SDK1: variants seen among roughly 807,000 people sequenced by gnomAD.
SDK1 encodes protein sidekick-1.
Under a neutral mutation model 245.5 loss-of-function variants are expected in SDK1, and 157 were observed. The ratio of observed to expected loss-of-function variants is 0.64; its 90% CI spans 0.56 to 0.73. The LOEUF is 0.73. Ranked by LOEUF, SDK1 falls within the 30% of genes least tolerant of loss-of-function variation. The pLI is 0.00. For synonymous variants in SDK1, 1,647 were observed against 1,278.5 expected (o/e 1.29, Z -6.15); for missense variants, 3,583 against 3,002.3 (o/e 1.19, Z -4.52).
chr7:3,677,503 A>C (rs1783942113), intron 4 of SDK1, among the ~76,000 whole-genome samples: 1 of 152,162 alleles, frequency 6.6e-6, no homozygotes, highest in Non-Finnish European at 1.5e-5. Context: ...CCATTTATAA[A>C]AGCATCAGAT....
rs965874787 is a variant in SDK1, at chr7:4,151,274, C to A, written c.4625+1811C>A. ...TGCACAGCTCCAGCTCTCTGTGGCC[C>A]CAGAGGACCCACCCTGGCACAGTCA... is the stretch of plus-strand genomic sequence containing the variant. On this transcript the variant is annotated intron_variant, in intron 30 of 44. Coordinates refer to ENST00000404826, the MANE Select transcript of SDK1 (RefSeq NM_152744.4). Among the ~76,000 whole-genome samples, 8 of 152,114 alleles carry A rather than the reference C, an allele frequency of 5.3e-5. No individual in the cohort carries two copies. In the South Asian group the frequency reaches 1.7e-3, roughly 32 times the overall value.
chr7:3,394,591 A>G (rs974203745), intron 1 of SDK1, among the ~76,000 whole-genome samples: 5 of 150,982 alleles, frequency 3.3e-5, no homozygotes, highest in African/African-American at 7.4e-5. Flanking sequence ...ATTATTTTGA[A>G]TGTATAGATC....
chr7:4,123,483 G>A (rs934872570), intron 25 of SDK1, among the ~76,000 whole-genome samples: 1 of 152,180 alleles, frequency 6.6e-6, no homozygotes, highest in Admixed American at 6.5e-5. Flanking sequence ...TGCAGGCCCA[G>A]GGAGCAGGAG....
intron 4 of SDK1, among the ~76,000 whole-genome samples, chr7:3,715,468 G>T (rs929642162): frequency 2.0e-5 from 3 of 152,234 alleles, no homozygotes; most frequent in East Asian, 3.9e-4. Flanking sequence ...TACCGAACCA[G>T]ACACCCCTCA....
intron 14 of SDK1, among the ~76,000 whole-genome samples, chr7:3,994,129 C>G (rs187914530): frequency 5.9e-5 from 9 of 152,292 alleles, no homozygotes; most frequent in African/African-American, 2.2e-4. Flanking sequence ...ATCACACATG[C>G]TTTTCTAGGG....
intron 4 of SDK1, among the ~76,000 whole-genome samples, chr7:3,703,557 C>T (rs1784801955): frequency 6.6e-6 from 1 of 152,100 alleles, no homozygotes; most frequent in Non-Finnish European, 1.5e-5. Context: ...GTCAGCTACA[C>T]ATGTGATAAA....
chr7:4,172,459 C>T (rs1584362197), intron 32 of SDK1, among the ~76,000 whole-genome samples: 2 of 152,304 alleles, frequency 1.3e-5, no homozygotes, highest in African/African-American at 4.8e-5. Flanking sequence ...GCTTCCTCCA[C>T]GTTTGGGTTT....
intron 5 of SDK1, among the ~76,000 whole-genome samples, chr7:3,913,326 C>G (rs1380214570): frequency 6.8e-6 from 1 of 147,916 alleles, no homozygotes; most frequent in African/African-American, 2.5e-5. Context: ...TGGAGTCTCG[C>G]TCTGTCACCC....
chr7:3,654,379 C>A (rs949621744), intron 4 of SDK1, among the ~76,000 whole-genome samples: 1 of 152,262 alleles, frequency 6.6e-6, no homozygotes, highest in East Asian at 1.9e-4. Context: ...TGATGAGCTC[C>A]CTGTCACCGC....
chr7:3,872,096 C>T (rs1355651860), intron 5 of SDK1, among the ~76,000 whole-genome samples: 1 of 152,242 alleles, frequency 6.6e-6, no homozygotes, highest in South Asian at 2.1e-4. Context: ...TGGTGAATTG[C>T]ATAGATTGGT....
chr7:3,800,366 C>T (rs75424999), intron 4 of SDK1, among the ~76,000 whole-genome samples: 7,348 of 147,926 alleles, frequency 0.05, 219 homozygotes, highest in Middle Eastern at 0.09. Flanking sequence ...TACTTACTTA[C>T]TTACTTATTT....
chr7:3,968,121 G>A (rs1003236031), intron 10 of SDK1, among the ~76,000 whole-genome samples: 3 of 152,224 alleles, frequency 2.0e-5, no homozygotes, highest in Non-Finnish European at 2.9e-5. Flanking sequence ...GTTAAGTGGA[G>A]CTCTTCCTTG....
At chr7:3,409,799 G>C (rs910784792) in intron 1 of SDK1, among the ~76,000 whole-genome samples, 4 of 152,128 alleles carry the variant, frequency 2.6e-5, no homozygotes, top group Non-Finnish European at 4.4e-5. Context: ...GAGGTGTGGA[G>C]TTTGATTTTT....
intron 1 of SDK1, chr7:3,302,086 C>T (rs142471049): frequency 0.018 from 4,783 of 261,902 alleles, 51 homozygotes; most frequent in Middle Eastern, 0.036. Flanking sequence ...GCCTGCACCC[C>T]GTCTGCTACT....
At chr7:3,533,808 A>G (rs753852339) in intron 1 of SDK1, among the ~76,000 whole-genome samples, 16 of 150,086 alleles carry the variant, frequency 1.1e-4, no homozygotes, top group Non-Finnish European at 2.4e-4. Flanking sequence ...TTTCACGATA[A>G]TTTTTTCTTA....
chr7:3,605,588 C>T (rs914420688), intron 1 of SDK1, among the ~76,000 whole-genome samples: 2 of 152,212 alleles, frequency 1.3e-5, no homozygotes, highest in African/African-American at 4.8e-5. Flanking sequence ...ACATTTTTCT[C>T]TCTTGAATAA....
chr7:3,353,093 T>A (rs969633075), intron 1 of SDK1, among the ~76,000 whole-genome samples: 4 of 152,198 alleles, frequency 2.6e-5, no homozygotes, highest in African/African-American at 9.6e-5. Flanking sequence ...TTAGCTTTTT[T>A]TGCACCCTGC....
At chr7:3,515,832 G>C (rs1782728555) in intron 1 of SDK1, among the ~76,000 whole-genome samples, 1 of 152,106 alleles carries the variant, frequency 6.6e-6, no homozygotes, top group Admixed American at 6.6e-5. Context: ...ATTTTGATCA[G>C]TTTTTGAAGA....
intron 5 of SDK1, among the ~76,000 whole-genome samples, chr7:3,912,437 T>C (rs1779206825): frequency 6.6e-6 from 1 of 152,214 alleles, no homozygotes; most frequent in African/African-American, 2.4e-5. Flanking sequence ...AACACCAGCG[T>C]GCCACAGAGT....
Sources: gnomAD v4.1 joint callset for allele counts (sites outside exome capture counted in the v4.1 genomes callset) on GRCh38, gnomAD v4.1.1 for gene constraint, MANE v1.5 for transcripts, NCBI Gene and HGNC (gene_info 2026-07-23, HGNC 2026-07-21) for gene names.